The following TICRR variants were observed in gnomAD, a reference collection of about 807,000 sequenced individuals.
TICRR encodes the protein treslin.
A neutral mutation model predicts 178.1 loss-of-function variants in TICRR; 132 were observed. The ratio of observed to expected loss-of-function variants is 0.74; its 90% CI spans 0.64 to 0.86. TICRR has a LOEUF of 0.86. TICRR is among the 40% of genes least tolerant of loss of function. TICRR has a pLI of 0.00. For missense variants in TICRR, 2,587 were observed against 2,334.3 expected, an observed-to-expected ratio of 1.11 and a Z score of -2.23; for synonymous variants, 991 against 900.7, an observed-to-expected ratio of 1.10 and a Z score of -1.79.
chr15:89,619,334 T>C (rs1227051054), intron 17 of TICRR, among the ~76,000 whole-genome samples: 1 of 148,314 alleles, frequency 6.7e-6, no homozygotes, highest in African/African-American at 2.5e-5. Context: ...CAAGCGATTC[T>C]CCTGCCACAG....
chr15:89,599,136 T>A (rs986367599), intron 7 of TICRR, among the ~76,000 whole-genome samples, 188 bp from the exon 8 acceptor site: 1 of 151,768 alleles, frequency 6.6e-6, no homozygotes, highest in Non-Finnish European at 1.5e-5. Context: ...TTTAACAGCA[T>A]CCCTGGCTCC....
intron 18 of TICRR, among the ~76,000 whole-genome samples, chr15:89,621,137 A>G (rs1431839683): frequency 6.6e-6 from 1 of 152,050 alleles, no homozygotes; most frequent in East Asian, 1.9e-4. Context: ...CTTCTGCCTC[A>G]GCCTCCTGAG....
chr15:89,594,121 G>C (rs1962957475), intron 5 of TICRR, among the ~76,000 whole-genome samples: 1 of 152,160 alleles, frequency 6.6e-6, no homozygotes, highest in Non-Finnish European at 1.5e-5. Flanking sequence ...AAGTGAAATA[G>C]TTGCCATAAT....
Position 89,599,392 on chromosome 15 carries a change from G to T in TICRR, c.1969G>T (p.Glu657Ter), listed in dbSNP as rs1237810981. ...TTACCAAAAGACTGTGGCCACAGGA[G>T]AAATCATGTTGTATGCATGTGCTCG... ...ENYQKTVATG[E>*]IMLYACARNM... is the part of the protein sequence containing the mutation. Residue 657 changes from glutamate (E) to a stop codon, truncating the protein, a stop_gained, in exon 8 of 22, where the codon GAA (glutamate) becomes TAA (stop). Transcript: ENST00000268138. LOFTEE classifies it high-confidence loss of function. The T allele has an allele frequency of 6.2e-7, 1 of 1,613,694 alleles. No homozygotes were observed. Among genetic ancestry groups the T allele is most frequent in the Non-Finnish European group, 8.5e-7 (1 of 1,179,894 alleles).
At position 89,582,721 on chromosome 15, in the gene TICRR, T is replaced by C; in HGVS notation, c.690T>C (p.Thr230=). The C allele has an allele frequency of 6.2e-7, 1 of 1,614,244 alleles. No individual in the cohort carries two copies. Among genetic ancestry groups the C allele is most frequent in the Non-Finnish European group, 8.5e-7 (1 of 1,180,042 alleles). The change falls in exon 2 of 22, where the codon ACT becomes ACC. Residue 230 remains threonine, a synonymous_variant. Coordinates refer to ENST00000268138, the MANE Select transcript of TICRR (RefSeq NM_152259.4). ...WESPDHLGYW[T]VCELLHHGGG... Reference sequence around the variant, plus strand: ...CCCCAGACCACCTTGGATACTGGACTGTTTGTGAACTGCTCCACCACGGAG... The same window carrying C: ...CCCCAGACCACCTTGGATACTGGACCGTTTGTGAACTGCTCCACCACGGAG...
chr15:89,624,095 A>G lies in TICRR; in HGVS notation c.3785A>G (p.Gln1262Arg), dbSNP rs1567052936. The G allele has an allele frequency of 6.2e-7, 1 of 1,613,916 alleles. No individual in the cohort carries two copies. Among genetic ancestry groups the G allele is most frequent in the South Asian group, 1.1e-5 (1 of 91,056 alleles). The change falls in exon 20 of 22, where the codon CAG (glutamine) becomes CGG (arginine). Residue 1262 changes from glutamine (Q) to arginine (R), a missense_variant. Physicochemically the swap from Gln to Arg is conservative, Grantham distance 43. Coordinates refer to ENST00000268138, the MANE Select transcript of TICRR (RefSeq NM_152259.4). ...GCAGCAGCCTTCATGGGCACGCCTC[A>G]GAATCAAACACACCAACAGCCCCAT... ...PRAAAFMGTP[Q>R]NQTHQQPHVL... is the part of the protein sequence containing the mutation.
At chr15:89,601,257 A>T (rs1190500235) in intron 9 of TICRR, 41 bp from the exon 10 acceptor site, 1 of 1,571,972 alleles carries the variant, frequency 6.4e-7, no homozygotes, top group South Asian at 1.1e-5. Context: ...TTGTTTAGTG[A>T]CATCCAAAGT....
rs1962781573 is a variant in TICRR at position 89,584,335 on chromosome 15, C to T, written c.984C>T (p.Ala328=). Residue 328 remains alanine, a synonymous_variant, in exon 3 of 22, where the codon GCC becomes GCT. Transcript: ENST00000268138. Reference sequence around the variant, plus strand: ...GGACAGTCACCCTAGAGCCCTTGGCCATGCATCAGAGACATTTTCAGAAAC... The same window carrying T: ...GGACAGTCACCCTAGAGCCCTTGGCTATGCATCAGAGACATTTTCAGAAAC... ...ETWTVTLEPL[A]MHQRHFQKPV... is the part of the protein sequence containing the mutation. The T allele has an allele frequency of 6.2e-7, 1 of 1,614,118 alleles. No individual in the cohort carries two copies. Among genetic ancestry groups the T allele is most frequent in the African/African-American group, 1.3e-5 (1 of 75,014 alleles).
chr15:89,602,505 A>G (rs2141966332), intron 12 of TICRR, among the ~76,000 whole-genome samples: 1 of 152,222 alleles, frequency 6.6e-6, no homozygotes, highest in East Asian at 1.9e-4. Flanking sequence ...CTATTTCACA[A>G]AGTCTTCTTT....
intron 15 of TICRR, among the ~76,000 whole-genome samples, chr15:89,609,378 T>G (rs1157441778): frequency 6.6e-6 from 1 of 151,436 alleles, no homozygotes; most frequent in Non-Finnish European, 1.5e-5. Context: ...CTCCCACAGT[T>G]GCTGGGATTA....
rs1161439897 is a variant in TICRR at position 89,625,530 on chromosome 15, CGAG to C, written c.5222_5224del (p.Glu1741del). The C allele has an allele frequency of 1.2e-6, 2 of 1,613,416 alleles. No homozygotes were observed. The highest frequency in any genetic ancestry group is 3.3e-5 in the Admixed American group (2 of 59,992). ...CGCCCATCTTGGAGGATTTTGAGCT[CGAG>C]GGAGTGTGCCAGCTCCCAGACCAGT... On this transcript the variant is annotated inframe_deletion, in exon 20 of 22. Transcript: ENST00000268138.
Position 89,595,397 on chromosome 15 carries a change from G to A in TICRR, c.1686G>A (p.Gly562=), listed in dbSNP as rs1395350725. Residue 562 remains glycine, a synonymous_variant, in exon 7 of 22, where the codon GGG becomes GGA. Transcript: ENST00000268138. The part of the protein sequence containing the change: ...AHQEDSKKKR[G]VPRTPVRQKM... ...CCTCTGATGTTGTTTTGGTAGGAGG[G>A]GTCCCTCGTACTCCAGTGAGACAGA... 6.2e-7 allele frequency: 1 copy of A among 1,613,124 alleles called. No homozygotes were observed. The highest frequency in any genetic ancestry group is 8.5e-7 in the Non-Finnish European group (1 of 1,179,386).
At position 89,582,908 on chromosome 15, in the gene TICRR, C is replaced by T. The variant is rs1336447890; in HGVS notation, c.877C>T (p.Pro293Ser). 2 of 1,614,030 alleles carry T rather than the reference C, an allele frequency of 1.2e-6. No homozygotes were observed. The highest frequency in any genetic ancestry group is 1.3e-5 in the African/African-American group (1 of 74,912). The change falls in exon 2 of 22, where the codon CCT becomes TCT. Residue 293 changes from proline to serine, a missense_variant. Physicochemically the swap from Pro to Ser is moderately conservative, Grantham distance 74 (BLOSUM62 -1). Transcript: ENST00000268138. ...TTTAAACCGTTTGCTCTACAATTCT[C>T]CTGAGTATGAGGCCTCGTTTCCACG... is the stretch of plus-strand genomic sequence containing the variant. ...ATLNRLLYNS[P>S]EYEASFPRME...
chr15:89,626,170 G>C lies in TICRR; in HGVS notation c.5602+109G>C. 5.2e-6 allele frequency: 7 copies of C among 1,350,376 alleles called. No homozygotes were observed. The South Asian group carries it at 7.1e-5, about 14-fold the overall frequency. The allele number at this position is 1,350,376 out of a possible 1,614,324, so 83.6% of individuals were successfully genotyped here. ...GGAGCCCCAGGGAGTGCCAAGTGTG[G>C]GATAGGTGACTTCGCGCCTACAGCG... On this transcript the variant is annotated intron_variant, in intron 21 of 21. Transcript: ENST00000268138.
intron 5 of TICRR, among the ~76,000 whole-genome samples, chr15:89,594,046 A>G (rs1275747202): frequency 2.6e-5 from 4 of 152,234 alleles, no homozygotes; most frequent in African/African-American, 7.2e-5. Flanking sequence ...ACTTACTACA[A>G]TGTGTTAACA....
chr15:89,604,265 T>C lies in TICRR; in HGVS notation c.2664+1373T>C, dbSNP rs375876708. 2.0e-5 allele frequency among the ~76,000 whole-genome samples: 3 copies of C among 152,236 alleles called. 1 individual carries two copies. The highest frequency in any genetic ancestry group is 6.5e-5 in the Admixed American group (1 of 15,282). ...TTGGAATTGGAGGTGGGATTTCTTTTAAATGGTTAATGGTGTTCACTTTCT... is the reference window on the plus strand; with the variant it reads ...TTGGAATTGGAGGTGGGATTTCTTTCAAATGGTTAATGGTGTTCACTTTCT... On this transcript the variant is annotated intron_variant, in intron 13 of 21. Coordinates refer to ENST00000268138, the MANE Select transcript of TICRR (RefSeq NM_152259.4).
chr15:89,623,515 T>C, intron 19 of TICRR, 108 bp from the exon 20 acceptor site: 1 of 1,147,374 alleles, frequency 8.7e-7, no homozygotes, highest in Non-Finnish European at 1.2e-6. Context: ...TTTAGATCAT[T>C]CCTTTGGCTG....
Position 89,619,695 on chromosome 15 carries a change from T to A in TICRR, c.3020-13T>A, listed in dbSNP as rs1409932741. Reference sequence around the variant, plus strand: ...GTTGTCTTTGGTTACTTACTGTGGTTCTGATTTTACAGAAATAAGTCTGAG... The same window carrying A: ...GTTGTCTTTGGTTACTTACTGTGGTACTGATTTTACAGAAATAAGTCTGAG... On this transcript the variant is annotated splice_polypyrimidine_tract_variant and intron_variant, in intron 17 of 21. Transcript: ENST00000268138. 1.3e-6 allele frequency: 2 copies of A among 1,599,882 alleles called. No homozygotes were observed. The highest frequency in any genetic ancestry group is 1.7e-6 in the Non-Finnish European group (2 of 1,175,008).
At chr15:89,596,330 G>GT (rs1189725376) in intron 7 of TICRR, among the ~76,000 whole-genome samples, 2 of 151,786 alleles carry the variant, frequency 1.3e-5, no homozygotes, top group Non-Finnish European at 2.9e-5. Context: ...AGAGTTTTCT[G>GT]TTTTATTCCT....
Sources: gnomAD v4.1 joint callset for allele counts (sites outside exome capture counted in the v4.1 genomes callset) on GRCh38, gnomAD v4.1.1 for gene constraint, MANE v1.5 for transcripts, NCBI Gene and HGNC (gene_info 2026-07-23, HGNC 2026-07-21) for gene names.